SIL1: variants seen among roughly 807,000 people sequenced by gnomAD.
SIL1 encodes the protein SIL1 nucleotide exchange factor.
SIL1 carries 40 observed loss-of-function variants against 49.1 expected under a neutral mutation model. The observed-to-expected ratio is 0.81, with a 90% confidence interval of 0.63 to 1.06. The LOEUF (loss-of-function observed/expected upper bound fraction) is 1.06, where lower values mean the gene tolerates loss of function less well. Ranked by LOEUF, SIL1 falls within the 50% of genes least tolerant of loss-of-function variation. The pLI is 0.00. For synonymous variants in SIL1, 253 were observed against 250.8 expected (o/e 1.01, Z -0.08); for missense variants, 500 against 572.6 (o/e 0.87, Z 1.29).
At chr5:139,188,822 A>C (rs983378139) in intron 1 of SIL1, among the ~76,000 whole-genome samples, 1 of 152,192 alleles carries the variant, frequency 6.6e-6, no homozygotes, top group African/African-American at 2.4e-5. Flanking sequence ...CCCTACCCCA[A>C]TAAAATCCCC....
At chr5:139,136,209 T>G (rs1013591078) in intron 1 of SIL1, among the ~76,000 whole-genome samples, 7 of 152,172 alleles carry the variant, frequency 4.6e-5, no homozygotes, top group Admixed American at 4.6e-4. Context: ...CAATCTTTAT[T>G]TGGACTGCTA....
rs1413413861 is a variant in SIL1 at position 138,951,866 on chromosome 5, C to T, written c.786G>A (p.Val262=). 6.2e-7 allele frequency: 1 copy of T among 1,613,832 alleles called. No individual in the cohort carries two copies. Among genetic ancestry groups the T allele is most frequent in the African/African-American group, 1.3e-5 (1 of 74,938 alleles). ...AAFSSNPKVQ[V]EAIEGGALQK... is the part of the protein sequence containing the mutation. ...GCAGGGCTCCCCCTTCGATGGCCTC[C>T]ACCTGGACCTTGGGGTTGCTGGGGA... Residue 262 remains valine (V), a synonymous_variant, in exon 8 of 10, where the codon GTG becomes GTA. Transcript: ENST00000394817.
chr5:139,007,891 A>G (rs1207356238), intron 7 of SIL1, among the ~76,000 whole-genome samples: 2 of 148,498 alleles, frequency 1.3e-5, no homozygotes, highest in African/African-American at 5.0e-5. Flanking sequence ...TTTTGCATCA[A>G]TGTTCATCAA....
At chr5:138,960,484 G>A (rs758317304) in intron 7 of SIL1, among the ~76,000 whole-genome samples, 27 of 147,760 alleles carry the variant, frequency 1.8e-4, no homozygotes, top group African/African-American at 5.3e-4. Flanking sequence ...GTGCAGTGGC[G>A]CAATCTAAGC....
At chr5:139,174,340 T>A (rs1751836059) in intron 1 of SIL1, among the ~76,000 whole-genome samples, 1 of 150,866 alleles carries the variant, frequency 6.6e-6, no homozygotes, top group Non-Finnish European at 1.5e-5. Context: ...CTACAAAAAA[T>A]TTTAAAATTA....
In SIL1 at chr5:139,026,957, G is replaced by A. The variant is rs1157170272; in HGVS notation, c.489C>T (p.Pro163=). 6.2e-7 allele frequency: 1 copy of A among 1,614,064 alleles called. No individual in the cohort carries two copies. Among genetic ancestry groups the A allele is most frequent in the Non-Finnish European group, 8.5e-7 (1 of 1,180,052 alleles). The part of the protein sequence containing the change: ...RQAEVKRLFR[P]IEELKKDFDE... ...CAAAGTCTTTCTTCAGTTCCTCAAT[G>A]GGGCGGAAGAGCCGCTTTACCTCAG... is the stretch of plus-strand genomic sequence containing the variant. The change falls in exon 6 of 10, where the codon CCC becomes CCT. Residue 163 remains proline (P), a synonymous_variant. Transcript: ENST00000394817.
rs1350024826 is a variant in SIL1, at chr5:139,057,328, AG to A, written c.245-6283del. Among the ~76,000 whole-genome samples, 43 of 146,972 alleles carry A rather than the reference AG, an allele frequency of 2.9e-4. 5 individuals carry two copies. Among genetic ancestry groups the A allele is most frequent in the South Asian group, 1.5e-3 (7 of 4,534 alleles). On this transcript the variant is annotated intron_variant, in intron 3 of 9. Transcript: ENST00000394817. ...AGAATGATCAATAAAAAAAAAAAAA[AG>A]AAAAGAAAAGAACATCACTGCTAGC...
At chr5:139,043,888 T>A (rs1452343448) in intron 4 of SIL1, among the ~76,000 whole-genome samples, 1 of 152,278 alleles carries the variant, frequency 6.6e-6, no homozygotes, top group East Asian at 1.9e-4. Context: ...GGTTCAGGAT[T>A]CCATATATCC....
intron 7 of SIL1, among the ~76,000 whole-genome samples, chr5:138,979,636 T>G (rs929459867): frequency 1.3e-5 from 2 of 152,202 alleles, no homozygotes; most frequent in East Asian, 3.8e-4. Context: ...CCTAAGTAGC[T>G]GGGACTACCA....
At chr5:138,995,639 C>T (rs894055835) in intron 7 of SIL1, among the ~76,000 whole-genome samples, 1 of 152,204 alleles carries the variant, frequency 6.6e-6, no homozygotes, top group African/African-American at 2.4e-5. Flanking sequence ...CCCTACTGAT[C>T]TAGCAAACAA....
chr5:139,100,087 A>AT (rs1307267347), intron 3 of SIL1, among the ~76,000 whole-genome samples: 1 of 152,182 alleles, frequency 6.6e-6, no homozygotes, highest in Non-Finnish European at 1.5e-5. Context: ...GTAACATGAA[A>AT]TTTTTTTAAA....
At chr5:139,042,862 T>G in intron 4 of SIL1, 143 bp from the exon 5 acceptor site, 1 of 740,960 alleles carries the variant, frequency 1.3e-6, no homozygotes, top group East Asian at 2.7e-5. Context: ...TTAGTTAGGA[T>G]GTGATGGTAT....
rs143073665 is a variant in SIL1 at position 139,164,481 on chromosome 5, C to T, written c.-11+33788G>A. 4.3e-3 allele frequency among the ~76,000 whole-genome samples: 661 copies of T among 152,268 alleles called. 4 individuals carry two copies. The highest frequency in any genetic ancestry group is 6.6e-3 in the Non-Finnish European group (452 of 68,030). On this transcript the variant is annotated intron_variant, in intron 1 of 9. Coordinates refer to ENST00000394817, the MANE Select transcript of SIL1 (RefSeq NM_022464.5). ...CTTCCCTAACAAGGCAAACCCAACC[C>T]CACTGTCCCCATGTCGTTAGTCAGC...
intron 7 of SIL1, among the ~76,000 whole-genome samples, chr5:139,015,651 A>C (rs911598646): frequency 1.3e-5 from 2 of 152,200 alleles, no homozygotes; most frequent in African/African-American, 4.8e-5. Context: ...TGCAGCTCCA[A>C]GACAGCTGCA....
intron 7 of SIL1, among the ~76,000 whole-genome samples, chr5:138,970,732 G>A (rs1229952006): frequency 2.0e-5 from 3 of 151,998 alleles, no homozygotes; most frequent in African/African-American, 4.8e-5. Flanking sequence ...TGGGGAAACC[G>A]TCTCTATAAA....
At chr5:139,128,651 C>CAAAA (rs55731110) in intron 1 of SIL1, among the ~76,000 whole-genome samples, 1 of 126,002 alleles carries the variant, frequency 7.9e-6, no homozygotes, top group African/African-American at 3.2e-5. Flanking sequence ...CCCATCCCTC[C>CAAAA]AAAAAAAAAA....
chr5:138,968,726 T>C (rs950210705), intron 7 of SIL1, among the ~76,000 whole-genome samples: 3 of 152,156 alleles, frequency 2.0e-5, no homozygotes, highest in African/African-American at 7.2e-5. Context: ...CTCTAGATGG[T>C]AGAGCCCAAT....
chr5:138,987,910 C>A (rs540979530), intron 7 of SIL1, among the ~76,000 whole-genome samples: 2 of 152,294 alleles, frequency 1.3e-5, no homozygotes, highest in African/African-American at 4.8e-5. Context: ...GATCTCGGCT[C>A]AATGCAACAT....
chr5:139,039,962 C>T (rs976329367), intron 5 of SIL1, among the ~76,000 whole-genome samples: 2 of 152,104 alleles, frequency 1.3e-5, no homozygotes, highest in Non-Finnish European at 2.9e-5. Flanking sequence ...TTAAACCTAC[C>T]AAGCTACCGA....
Sources: allele counts gnomAD v4.1 joint callset (sites outside exome capture counted in the v4.1 genomes callset), GRCh38; gene constraint gnomAD v4.1.1; transcripts MANE v1.5; gene names NCBI Gene and HGNC (gene_info 2026-07-23, HGNC 2026-07-21).